Variants in VDAC1 observed in about 807,000 individuals in gnomAD.
VDAC1 encodes non-selective voltage-gated ion channel VDAC1.
VDAC1 carries 10 observed loss-of-function variants against 34.7 expected under a neutral mutation model. The ratio of observed to expected loss-of-function variants is 0.29; its 90% confidence interval spans 0.18 to 0.49. The LOEUF (loss-of-function observed/expected upper bound fraction) is 0.49. VDAC1 is among the 20% of genes least tolerant of loss of function. The pLI is 0.99. For missense variants in VDAC1, 230 were observed against 347.9 expected (o/e 0.66, Z 2.69); for synonymous variants, 130 against 136.0 (o/e 0.96, Z 0.30).
the VDAC1 span, among the ~76,000 whole-genome samples, chr5:134,051,232 C>G: frequency 0.15 from 23,486 of 152,244 alleles, 1,970 homozygotes; most frequent in East Asian, 0.28. Flanking sequence ...CTCCAACTCT[C>G]CCACAGCCCT....
At chr5:134,044,720 A>C in the VDAC1 span, among the ~76,000 whole-genome samples, 1 of 152,110 alleles carries the variant, frequency 6.6e-6, no homozygotes, top group African/African-American at 2.4e-5. Flanking sequence ...TATAGAAAAG[A>C]CCGTGTGATG....
the VDAC1 span, among the ~76,000 whole-genome samples, chr5:134,108,145 G>C: frequency 6.6e-6 from 1 of 152,272 alleles, no homozygotes; most frequent in Admixed American, 6.5e-5. Flanking sequence ...ATTAGGAAGA[G>C]ACCAGGAATG....
the VDAC1 span, among the ~76,000 whole-genome samples, chr5:134,060,926 G>A: frequency 5.1e-5 from 6 of 117,024 alleles, no homozygotes; most frequent in African/African-American, 2.1e-4. Context: ...CACCCAGGCT[G>A]GAGTGCAATG....
the VDAC1 span, among the ~76,000 whole-genome samples, chr5:134,030,031 A>G: frequency 6.6e-6 from 1 of 152,132 alleles, no homozygotes; most frequent in African/African-American, 2.4e-5. Flanking sequence ...CTGGAAATCT[A>G]TAATTATTTC....
chr5:134,065,789 A>ATTTTTTTTTTTTTTTTTTTTTTTTTTTTT, the VDAC1 span, among the ~76,000 whole-genome samples: 1 of 99,850 alleles, frequency 1.0e-5, no homozygotes, highest in Non-Finnish European at 1.9e-5. Context: ...CAGATAGTAA[A>ATTTTTTTTTTTTTTTTTTTTTTTTTTTTT]TTTTTTTTTT....
intron 5 of VDAC1, among the ~76,000 whole-genome samples, chr5:133,990,591 G>A (rs1408641459): frequency 1.3e-5 from 2 of 152,192 alleles, no homozygotes; most frequent in Non-Finnish European, 2.9e-5. Flanking sequence ...ATGGGCACAG[G>A]GCCAAGCACA....
chr5:134,007,488 T>G (rs182788565), upstream of VDAC1, among the ~76,000 whole-genome samples: 4 of 152,086 alleles, frequency 2.6e-5, no homozygotes, highest in East Asian at 7.7e-4. Context: ...GATCTGCAGG[T>G]GCCATAATCA....
chr5:134,067,645 G>C, the VDAC1 span, among the ~76,000 whole-genome samples: 1 of 148,524 alleles, frequency 6.7e-6, no homozygotes, highest in East Asian at 2.0e-4. Flanking sequence ...GAAGGAGAAG[G>C]GGAGGCGGTG....
chr5:133,980,649 A>AC, intron 6 of VDAC1, 80 bp downstream of exon 6: 2 of 984,994 alleles, frequency 2.0e-6, no homozygotes, highest in Non-Finnish European at 2.9e-6. Context: ...AAAAAAAAAA[A>AC]AAAACAGTGA....
chr5:134,102,613 A>G, the VDAC1 span, among the ~76,000 whole-genome samples: 1 of 152,166 alleles, frequency 6.6e-6, no homozygotes, highest in East Asian at 1.9e-4. Flanking sequence ...GGTTGTGGTG[A>G]GCCGAGATCA....
intron 2 of VDAC1, 50 bp from the exon 3 acceptor site, chr5:133,992,405 G>A (rs370476154): frequency 5.5e-6 from 8 of 1,446,992 alleles, no homozygotes; most frequent in South Asian, 1.3e-5. Flanking sequence ...CTAGAGAACA[G>A]CACCTCTGCC....
chr5:134,086,122 G>A, the VDAC1 span, among the ~76,000 whole-genome samples: 1 of 152,180 alleles, frequency 6.6e-6, no homozygotes, highest in South Asian at 2.1e-4. Context: ...CTTGAACCCG[G>A]GAGGCAGAGG....
At chr5:134,086,848 T>G in the VDAC1 span, among the ~76,000 whole-genome samples, 2 of 152,206 alleles carry the variant, frequency 1.3e-5, no homozygotes, top group Admixed American at 1.3e-4. Context: ...GACGTTCATC[T>G]TAATGGTGAG....
chr5:134,095,929 TAG>T, the VDAC1 span, among the ~76,000 whole-genome samples: 1 of 152,186 alleles, frequency 6.6e-6, no homozygotes, highest in Non-Finnish European at 1.5e-5. Flanking sequence ...GTCTAGCTTC[TAG>T]AGAGGCTGGG....
chr5:134,101,563 A>G, the VDAC1 span, among the ~76,000 whole-genome samples: 1 of 152,236 alleles, frequency 6.6e-6, no homozygotes, highest in Admixed American at 6.5e-5. Flanking sequence ...TGTCTCAAAA[A>G]AAAAAAAAAG....
chr5:134,085,961 G>A, the VDAC1 span, among the ~76,000 whole-genome samples: 1 of 152,120 alleles, frequency 6.6e-6, no homozygotes, highest in Admixed American at 6.5e-5. Flanking sequence ...TAGAGTCCAA[G>A]GCGTGTGGAT....
At chr5:134,005,292 A>G (rs1753720833), upstream of VDAC1, 1 of 152,176 alleles carries the variant, frequency 6.6e-6, no homozygotes, top group Admixed American at 6.5e-5. Context: ...CCCCGAGGGC[A>G]GTCCCAGGCC....
the VDAC1 span, among the ~76,000 whole-genome samples, chr5:134,055,897 A>G: frequency 7.6e-4 from 115 of 151,964 alleles, no homozygotes; most frequent in Non-Finnish European, 1.4e-3. Flanking sequence ...GCAAGCACAC[A>G]TGCATTCACA....
chr5:134,061,671 C>T, the VDAC1 span, among the ~76,000 whole-genome samples: 1 of 151,878 alleles, frequency 6.6e-6, no homozygotes, highest in Admixed American at 6.6e-5. Flanking sequence ...CTGCACACAG[C>T]CCCTGAATTT....
Sources: gnomAD v4.1 joint callset for allele counts (sites outside exome capture counted in the v4.1 genomes callset) on GRCh38, gnomAD v4.1.1 for gene constraint, MANE v1.5 for transcripts, NCBI Gene and HGNC (gene_info 2026-07-23, HGNC 2026-07-21) for gene names.